Variants in BIRC6 observed in about 807,000 individuals in gnomAD.
The protein encoded by BIRC6 is baculoviral IAP repeat containing 6.
In BIRC6, 98 loss-of-function variants were observed where a neutral mutation model predicts 503.3. The observed-to-expected ratio is 0.19, with a 90% confidence interval of 0.17 to 0.23. The LOEUF (loss-of-function observed/expected upper bound fraction) is 0.23, where lower values mean the gene tolerates loss of function less well. Among genes scored for constraint, BIRC6 ranks in the 10% least tolerant of loss-of-function variants. BIRC6 has a pLI of 1.00. For synonymous variants in BIRC6, 2,240 were observed against 2,078.7 expected (o/e 1.08, Z -2.11); for missense variants, 5,360 against 5,806.0 (o/e 0.92, Z 2.50).
At position 32,524,814 on chromosome 2, in the gene BIRC6, C is replaced by T. The variant is rs1399797487; in HGVS notation, c.11624-74C>T. ...GGATAATATTATCTTGCATAATCTC[C>T]CTCTGAAACATATATTACTTCTCTT... On this transcript the variant is annotated intron_variant, in intron 57 of 73. Transcript: ENST00000421745. The T allele has an allele frequency of 9.5e-6, 10 of 1,048,666 alleles. No homozygotes were observed. In the Middle Eastern group the frequency reaches 1.9e-3, roughly 202 times the overall value. 65.0% of individuals were successfully genotyped at this position (1,048,666 alleles called of 1,614,324 possible). A position where few individuals can be genotyped will look rare whatever the true frequency, so the allele number is the denominator to read the frequency against.
chr2:32,519,986 G>C (rs1462727564), intron 57 of BIRC6, among the ~76,000 whole-genome samples: 1 of 152,190 alleles, frequency 6.6e-6, no homozygotes, highest in Non-Finnish European at 1.5e-5. Flanking sequence ...TCTTATGTCT[G>C]TTGTCAACTT....
rs376509643 is a variant in BIRC6, at chr2:32,518,375, T to C, written c.11471T>C (p.Met3824Thr). Residue 3824 changes from methionine (M) to threonine (T), a missense_variant, in exon 56 of 74, where the codon ATG becomes ACG. Transcript: ENST00000421745. Reference protein sequence around the residue: ...QLMLEDEKVTMFLQSPCPLYK... With the variant: ...QLMLEDEKVTTFLQSPCPLYK... ...ATGCTGGAAGATGAGAAAGTGACAA[T>C]GTTTCTTCAGTCTCCATGTCCAGTG... The C allele has an allele frequency of 1.1e-5, 18 of 1,609,400 alleles. No individual in the cohort carries two copies. In the South Asian group the frequency reaches 1.6e-4, roughly 14 times the overall value.
At chr2:32,431,726 A>C (rs2044143885) in intron 12 of BIRC6, among the ~76,000 whole-genome samples, 1 of 152,226 alleles carries the variant, frequency 6.6e-6, no homozygotes, top group Admixed American at 6.5e-5. Flanking sequence ...TTATTTAACA[A>C]ATACTCAAAT....
In BIRC6 at chr2:32,603,225, G is replaced by T. The variant is rs1401439820; in HGVS notation, c.14070+142G>T. 6 of 559,832 alleles carry T rather than the reference G, an allele frequency of 1.1e-5. No individual in the cohort carries two copies. In the African/African-American group the frequency reaches 1.2e-4, roughly 11 times the overall value. The allele number at this position is 559,832 out of a possible 1,614,324, so 34.7% of individuals were successfully genotyped here. ...GAAATGCATATTAAATAGCTTATAG[G>T]TGAGAAGTTAGCATAATGGAGTCTC... On this transcript the variant is annotated intron_variant, in intron 71 of 73. Transcript: ENST00000421745.
chr2:32,582,787 A>G (rs925830093), intron 66 of BIRC6, among the ~76,000 whole-genome samples: 14 of 152,146 alleles, frequency 9.2e-5, no homozygotes, highest in Admixed American at 5.9e-4. Flanking sequence ...CAAAAAAACT[A>G]GAATGACTGC....
intron 65 of BIRC6, among the ~76,000 whole-genome samples, chr2:32,550,289 G>A (rs1488296450): frequency 6.6e-6 from 1 of 152,124 alleles, no homozygotes; most frequent in African/African-American, 2.4e-5. Flanking sequence ...TTTTGTGGTT[G>A]GTAGCAGCTA....
Position 32,470,283 on chromosome 2 carries a change from A to T in BIRC6, c.6463A>T (p.Met2155Leu). Residue 2155 changes from methionine (M) to leucine (L), a missense_variant, in exon 31 of 74, where the codon ATG becomes TTG. Around this residue, in one of 16 missense-constraint regions of BIRC6, gnomAD observed 2,299 missense variants for 2,267.2 expected, o/e 1.01. Coordinates refer to ENST00000421745, the MANE Select transcript of BIRC6 (RefSeq NM_016252.4). ...LLSPLQPQLP[M>L]HRRTEGVLDI... ...GTCACCTCTTCAGCCACAGTTACCCATGCATAGGAGGACAGAAGGTATTAA... is the reference window on the plus strand; with the variant it reads ...GTCACCTCTTCAGCCACAGTTACCCTTGCATAGGAGGACAGAAGGTATTAA... 6.4e-7 allele frequency: 1 copy of T among 1,574,708 alleles called. No homozygotes were observed. Among genetic ancestry groups the T allele is most frequent in the Non-Finnish European group, 8.6e-7 (1 of 1,158,990 alleles).
intron 1 of BIRC6, among the ~76,000 whole-genome samples, chr2:32,365,758 T>C (rs2034833382): frequency 6.6e-6 from 1 of 152,126 alleles, no homozygotes; most frequent in Non-Finnish European, 1.5e-5. Context: ...CAGTTTAAGG[T>C]AAAAAAATTA....
At chr2:32,523,089 T>C (rs1218234993) in intron 57 of BIRC6, 1 of 152,198 alleles carries the variant, frequency 6.6e-6, no homozygotes, top group Non-Finnish European at 1.5e-5. Flanking sequence ...ATTGTTAATA[T>C]ATATTTCTAG....
rs147200194 is a variant in BIRC6 at position 32,543,171 on chromosome 2, G to A, written c.12292-70G>A. On this transcript the variant is annotated intron_variant, in intron 61 of 73. Transcript: ENST00000421745. ...CTATATTTTAAAGAGATCATTTAAA[G>A]TTAAGTCTTTACTTTGAATCTGATG... 4.7e-4 allele frequency: 674 copies of A among 1,441,508 alleles called. 2 individuals are homozygous for A. Among genetic ancestry groups the A allele is most frequent in the Middle Eastern group, 3.2e-3 (17 of 5,258 alleles). 89.3% of individuals were successfully genotyped at this position (1,441,508 alleles called of 1,614,324 possible).
intron 73 of BIRC6, among the ~76,000 whole-genome samples, chr2:32,612,447 C>A (rs1426350132): frequency 6.6e-6 from 1 of 152,072 alleles, no homozygotes; most frequent in East Asian, 1.9e-4. Flanking sequence ...CTCATTTCAT[C>A]CTCCACCAAT....
intron 9 of BIRC6, 115 bp downstream of exon 9, chr2:32,406,672 A>G: frequency 1.5e-6 from 1 of 662,608 alleles, no homozygotes; most frequent in Non-Finnish European, 2.6e-6. Context: ...AATTTTTGCT[A>G]GTATACACAG....
intron 26 of BIRC6, 21 bp downstream of exon 26, chr2:32,465,185 A>G: frequency 1.2e-6 from 1 of 847,166 alleles, no homozygotes; most frequent in Non-Finnish European, 1.6e-6. Context: ...ACTTTCTTAA[A>G]TTTTTTTTTT....
chr2:32,609,858 A>G (rs984562508), intron 72 of BIRC6, among the ~76,000 whole-genome samples: 7 of 152,140 alleles, frequency 4.6e-5, no homozygotes, highest in African/African-American at 1.7e-4. Flanking sequence ...GCAAATATGT[A>G]TAATTTGAGA....
At chr2:32,519,767 C>T (rs1303520427) in intron 57 of BIRC6, among the ~76,000 whole-genome samples, 1 of 152,208 alleles carries the variant, frequency 6.6e-6, no homozygotes, top group Admixed American at 6.5e-5. Context: ...ATCCGCCCAC[C>T]TCGGCCTCCC....
chr2:32,407,445 CAAAAAAAA>C (rs760585710), intron 9 of BIRC6, among the ~76,000 whole-genome samples: 2 of 69,812 alleles, frequency 2.9e-5, no homozygotes, highest in Admixed American at 2.9e-4. Flanking sequence ...AACTCTGTCT[CAAAAAAAA>C]AAAAAAAAAA....
At chr2:32,427,289 A>AT (rs58941424) in intron 10 of BIRC6, among the ~76,000 whole-genome samples, 219 of 148,352 alleles carry the variant, frequency 1.5e-3, no homozygotes, top group East Asian at 3.8e-3. Flanking sequence ...ATTTTATTTT[A>AT]TTTTTTTTTT....
chr2:32,493,973 TTAAACTC>T (rs1457610611), intron 45 of BIRC6, among the ~76,000 whole-genome samples: 20 of 152,152 alleles, frequency 1.3e-4, no homozygotes, highest in Non-Finnish European at 5.9e-5. Flanking sequence ...TTGAAGCTGT[TTAAACTC>T]TAAAGCTACC....
intron 6 of BIRC6, among the ~76,000 whole-genome samples, chr2:32,397,529 A>C (rs754659707): frequency 6.7e-6 from 1 of 149,000 alleles, no homozygotes; most frequent in African/African-American, 2.5e-5. Context: ...AGCAATTTTC[A>C]GTTTAAGTTG....
Sources: gnomAD v4.1 joint callset for allele counts (sites outside exome capture counted in the v4.1 genomes callset) on GRCh38, gnomAD v4.1.1 for gene constraint, gnomAD v4.1.1 regional missense constraint, MANE v1.5 for transcripts, NCBI Gene and HGNC (gene_info 2026-07-23, HGNC 2026-07-21) for gene names.